ADAMTS17: variants seen among roughly 807,000 people sequenced by gnomAD.
ADAMTS17 encodes ADAM metallopeptidase with thrombospondin type 1 motif 17.
ADAMTS17 carries 113 observed loss-of-function variants against 141.5 expected under a neutral mutation model. That is an observed-to-expected ratio of 0.80 (90% CI 0.69 to 0.93). The LOEUF (loss-of-function observed/expected upper bound fraction) is 0.93. Among genes scored for constraint, ADAMTS17 ranks in the 40% least tolerant of loss-of-function variants. The probability of loss-of-function intolerance (pLI) is 0.00; values close to 1 mark genes in which losing one functional copy is unlikely to be tolerated. For missense variants in ADAMTS17, 1,659 were observed against 1,517.9 expected (o/e 1.09, Z -1.54); for synonymous variants, 768 against 630.6 (o/e 1.22, Z -3.27).
intron 19 of ADAMTS17, among the ~76,000 whole-genome samples, chr15:99,994,173 G>A (rs1200323826): frequency 6.6e-6 from 1 of 152,180 alleles, no homozygotes; most frequent in Admixed American, 6.5e-5. Context: ...GGCCCTGGGA[G>A]CCCTGTCCCT....
intron 2 of ADAMTS17, among the ~76,000 whole-genome samples, chr15:100,331,358 ATTT>A (rs1160931739): frequency 6.6e-6 from 1 of 152,172 alleles, no homozygotes; most frequent in Non-Finnish European, 1.5e-5. Flanking sequence ...TTTTAAAATT[ATTT>A]TTTAAGTTAC....
At chr15:100,119,149 C>T (rs888943500) in intron 12 of ADAMTS17, among the ~76,000 whole-genome samples, 1 of 151,758 alleles carries the variant, frequency 6.6e-6, no homozygotes, top group African/African-American at 2.4e-5. Flanking sequence ...CAGATTCTCC[C>T]TCACAGTGCT....
At chr15:100,009,193 G>C (rs2061104481) in intron 18 of ADAMTS17, among the ~76,000 whole-genome samples, 1 of 152,124 alleles carries the variant, frequency 6.6e-6, no homozygotes, top group Non-Finnish European at 1.5e-5. Flanking sequence ...GTAACTCCCA[G>C]AGGAAGAGGC....
intron 18 of ADAMTS17, among the ~76,000 whole-genome samples, chr15:100,004,743 C>G (rs2061004960): frequency 6.6e-6 from 1 of 151,760 alleles, no homozygotes; most frequent in Non-Finnish European, 1.5e-5. Flanking sequence ...GCCTCAGCCT[C>G]CTGAGTAGCT....
In ADAMTS17 at chr15:100,212,726, C is replaced by G. The variant is rs7162077; in HGVS notation, c.1076-13303G>C. ...AACCAAAAATGCTTTGTAGAATGTG[C>G]TTTTCGTTGCCAGATCTCAACTAAC... On this transcript the variant is annotated intron_variant, in intron 7 of 21. Transcript: ENST00000268070. 8.8e-3 allele frequency among the ~76,000 whole-genome samples: 1,337 copies of G among 151,916 alleles called. 20 individuals carry two copies. Among genetic ancestry groups the G allele is most frequent in the African/African-American group, 0.026 (1,096 of 41,404 alleles).
intron 8 of ADAMTS17, among the ~76,000 whole-genome samples, chr15:100,161,921 C>T (rs1463845125): frequency 6.6e-6 from 1 of 152,186 alleles, no homozygotes; most frequent in Non-Finnish European, 1.5e-5. Context: ...GAAAAATGAG[C>T]CCACCAGCTT....
At chr15:99,989,672 C>G (rs527786240) in intron 20 of ADAMTS17, among the ~76,000 whole-genome samples, 42 of 152,302 alleles carry the variant, frequency 2.8e-4, no homozygotes, top group African/African-American at 9.9e-4. Flanking sequence ...GATCAGTGAC[C>G]GTTTTCAAGC....
At chr15:100,245,163 G>A (rs187990101) in intron 7 of ADAMTS17, among the ~76,000 whole-genome samples, 2 of 152,280 alleles carry the variant, frequency 1.3e-5, no homozygotes, top group East Asian at 1.9e-4. Flanking sequence ...TGACAGGGCA[G>A]TGGGCTTTGG....
At chr15:100,169,403 C>T (rs1337864838) in intron 8 of ADAMTS17, among the ~76,000 whole-genome samples, 1 of 152,152 alleles carries the variant, frequency 6.6e-6, no homozygotes, top group Admixed American at 6.5e-5. Context: ...GGCACTCATG[C>T]CCACCAAGTG....
chr15:100,158,786 C>G (rs746846369), intron 8 of ADAMTS17, among the ~76,000 whole-genome samples: 13 of 152,148 alleles, frequency 8.5e-5, no homozygotes, highest in Non-Finnish European at 1.8e-4. Context: ...AAAAAACTAA[C>G]AACCCAGTTA....
intron 12 of ADAMTS17, among the ~76,000 whole-genome samples, chr15:100,117,513 G>A (rs1199984483): frequency 6.6e-6 from 1 of 152,160 alleles, no homozygotes; most frequent in East Asian, 1.9e-4. Flanking sequence ...ACTGCTCATG[G>A]GCTTTGACTG....
At chr15:100,264,541 T>C (rs1484457428) in intron 4 of ADAMTS17, among the ~76,000 whole-genome samples, 2 of 152,102 alleles carry the variant, frequency 1.3e-5, no homozygotes, top group African/African-American at 2.4e-5. Flanking sequence ...TTTAAAGAAG[T>C]AACACGAGAA....
intron 20 of ADAMTS17, among the ~76,000 whole-genome samples, chr15:99,982,456 GGCT>G (rs1567639716): frequency 1.3e-5 from 2 of 152,174 alleles, no homozygotes; most frequent in Non-Finnish European, 2.9e-5. Context: ...GGTCTGAAGG[GGCT>G]GCTGTTGAAC....
chr15:100,291,272 G>A (rs1405044418), intron 3 of ADAMTS17, among the ~76,000 whole-genome samples: 1 of 152,098 alleles, frequency 6.6e-6, no homozygotes, highest in Non-Finnish European at 1.5e-5. Context: ...ATCATCAGAG[G>A]AATGCAAACC....
intron 10 of ADAMTS17, among the ~76,000 whole-genome samples, chr15:100,141,266 A>T (rs1366260383): frequency 1.3e-5 from 2 of 152,132 alleles, no homozygotes; most frequent in East Asian, 3.9e-4. Flanking sequence ...CTCAGATGGC[A>T]CCATTGCTCA....
chr15:100,056,316 G>A (rs546062635), intron 15 of ADAMTS17, among the ~76,000 whole-genome samples: 1 of 152,274 alleles, frequency 6.6e-6, no homozygotes, highest in African/African-American at 2.4e-5. Flanking sequence ...GTGGGCTGGT[G>A]GGAAGGAGCA....
chr15:99,973,821 T>C lies in ADAMTS17; in HGVS notation c.*581A>G. Reference sequence around the variant, plus strand: ...AGACTTCCAAGGCAACACCTAGGATTTAGAGACTATGTTCTCAGAGACGGG... The same window carrying C: ...AGACTTCCAAGGCAACACCTAGGATCTAGAGACTATGTTCTCAGAGACGGG... On this transcript the variant is annotated 3_prime_UTR_variant, in exon 22 of 22. Coordinates refer to ENST00000268070, the MANE Select transcript of ADAMTS17 (RefSeq NM_139057.4). 2 of 190,520 alleles carry C rather than the reference T, an allele frequency of 1.0e-5. No homozygotes were observed. The highest frequency in any genetic ancestry group is 2.2e-5 in the Non-Finnish European group (2 of 91,232). The allele number at this position is 190,520 out of a possible 1,614,324, so 11.8% of individuals were successfully genotyped here.
intron 10 of ADAMTS17, among the ~76,000 whole-genome samples, chr15:100,136,711 G>A (rs1399805942): frequency 6.6e-6 from 1 of 152,220 alleles, no homozygotes; most frequent in Non-Finnish European, 1.5e-5. Context: ...CTAAAGTGAT[G>A]TAAAAGAAAG....
At chr15:100,089,648 A>G (rs1242082055) in intron 15 of ADAMTS17, among the ~76,000 whole-genome samples, 1 of 152,044 alleles carries the variant, frequency 6.6e-6, no homozygotes, top group Non-Finnish European at 1.5e-5. Context: ...AATACTATGC[A>G]GCCATAAAAA....
Sources: gnomAD v4.1 joint callset for allele counts (sites outside exome capture counted in the v4.1 genomes callset) on GRCh38, gnomAD v4.1.1 for gene constraint, MANE v1.5 for transcripts, NCBI Gene and HGNC (gene_info 2026-07-23, HGNC 2026-07-21) for gene names.